The following DRC1 variants were observed in gnomAD, a reference collection of about 807,000 sequenced individuals.
DRC1 encodes dynein regulatory complex subunit 1.
A neutral mutation model predicts 98.7 loss-of-function variants in DRC1; 74 were observed. That is an observed-to-expected ratio of 0.75 (90% CI 0.62 to 0.91). DRC1 has a LOEUF of 0.91. Among genes scored for constraint, DRC1 ranks in the 40% least tolerant of loss-of-function variants. DRC1 has a pLI of 0.00. For missense variants in DRC1, 875 were observed against 886.0 expected (o/e 0.99, Z 0.16); for synonymous variants, 336 against 334.1 (o/e 1.01, Z -0.06).
intron 2 of DRC1, among the ~76,000 whole-genome samples, chr2:26,419,964 C>T (rs115093515): frequency 0.023 from 3,442 of 152,284 alleles, 126 homozygotes; most frequent in African/African-American, 0.077. Flanking sequence ...AAAGACTCCA[C>T]ATATCATTAG....
chr2:26,424,384 T>C lies in DRC1; in HGVS notation c.470T>C (p.Leu157Pro), dbSNP rs542270831. 1.2e-6 allele frequency: 2 copies of C among 1,613,834 alleles called. No homozygotes were observed. The highest frequency in any genetic ancestry group is 4.5e-5 in the East Asian group (2 of 44,838). ...KRIPQELWEMLNTQQLHCAGL... is the reference protein window; with the variant it reads ...KRIPQELWEMPNTQQLHCAGL... ...ATTCCCCAAGAGCTGTGGGAAATGC[T>C]CAATACCCAACAGCTGCACTGTGCT... is the stretch of plus-strand genomic sequence containing the variant. Residue 157 changes from leucine to proline, a missense_variant, in exon 4 of 17, where the codon CTC (leucine) becomes CCC (proline). By Grantham distance (98) the Leu-to-Pro change is moderately conservative. Transcript: ENST00000288710.
Position 26,455,181 on chromosome 2 carries a change from A to G in DRC1, c.2114A>G (p.Glu705Gly). 1 of 1,614,064 alleles carries G rather than the reference A, an allele frequency of 6.2e-7. No homozygotes were observed. The stretch of plus-strand genomic sequence containing the variant: ...CTGCTGCTGGAAAACAGTTCTCTGG[A>G]GCAGCAGAACACAGAGCTGCAGGCG... ...AKLLLENSSL[E>G]QQNTELQALL... The change falls in exon 16 of 17, where the codon GAG becomes GGG. Residue 705 changes from glutamate (E) to glycine (G), a missense_variant. By Grantham distance (98) the Glu-to-Gly change is moderately conservative. Coordinates refer to ENST00000288710, the MANE Select transcript of DRC1 (RefSeq NM_145038.5).
intron 12 of DRC1, 101 bp downstream of exon 12, chr2:26,450,186 C>T (rs915876560): frequency 1.8e-6 from 2 of 1,099,154 alleles, no homozygotes; most frequent in Admixed American, 4.1e-5. Flanking sequence ...ACGAGGGTCT[C>T]CCGGGGCTTC....
chr2:26,442,039 G>A (rs1663731229), intron 8 of DRC1, among the ~76,000 whole-genome samples: 1 of 152,230 alleles, frequency 6.6e-6, no homozygotes, highest in Non-Finnish European at 1.5e-5. Context: ...GGAAGGCCAA[G>A]ATCAAGGCTG....
At chr2:26,430,904 T>C (rs778778213) in intron 6 of DRC1, 32 bp downstream of exon 6, 1 of 1,574,602 alleles carries the variant, frequency 6.4e-7, no homozygotes, top group South Asian at 1.1e-5. Flanking sequence ...GAGTGATCCG[T>C]GGGGTCTGGG....
chr2:26,417,806 T>C (rs1678859890), intron 2 of DRC1, among the ~76,000 whole-genome samples: 1 of 152,248 alleles, frequency 6.6e-6, no homozygotes, highest in Non-Finnish European at 1.5e-5. Context: ...TGGTGGTATA[T>C]AAATGTACAG....
intron 11 of DRC1, 28 bp downstream of exon 11, chr2:26,448,831 G>A (rs369645109): frequency 2.5e-6 from 4 of 1,607,464 alleles, no homozygotes; most frequent in African/African-American, 2.7e-5. Context: ...CTGCAGCAGA[G>A]GGACTCACGG....
intron 10 of DRC1, among the ~76,000 whole-genome samples, chr2:26,445,922 G>T (rs6732552): frequency 0.46 from 70,104 of 151,552 alleles, 16,783 homozygotes; most frequent in Non-Finnish European, 0.51. Flanking sequence ...CCTCCCAAAA[G>T]GCTGGAATTA....
chr2:26,429,032 A>G (rs1663359204), intron 4 of DRC1, among the ~76,000 whole-genome samples: 1 of 152,072 alleles, frequency 6.6e-6, no homozygotes, highest in South Asian at 2.1e-4. Flanking sequence ...GGGAGCTTGC[A>G]GGGAGATTTG....
At chr2:26,432,153 G>A (rs1031539575) in intron 7 of DRC1, 147 bp downstream of exon 7, 6 of 1,296,000 alleles carry the variant, frequency 4.6e-6, no homozygotes, top group South Asian at 1.5e-5. Flanking sequence ...TCTTTTAAAT[G>A]TTCATATCTG....
chr2:26,446,418 G>T (rs756200813), intron 10 of DRC1, among the ~76,000 whole-genome samples: 1 of 152,122 alleles, frequency 6.6e-6, no homozygotes, highest in Non-Finnish European at 1.5e-5. Context: ...CGCTGTGGGC[G>T]CTGGGTGCTT....
intron 1 of DRC1, among the ~76,000 whole-genome samples, chr2:26,404,548 C>T (rs113577982): frequency 6.6e-6 from 1 of 152,150 alleles, no homozygotes; most frequent in African/African-American, 2.4e-5. Flanking sequence ...TCTGCAGGTG[C>T]CAGACCCATG....
intron 13 of DRC1, among the ~76,000 whole-genome samples, chr2:26,451,869 C>T (rs563021124): frequency 2.6e-4 from 39 of 152,258 alleles, no homozygotes; most frequent in Admixed American, 5.2e-4. Context: ...ATATTTTCAA[C>T]TCATATCATA....
intron 8 of DRC1, 102 bp downstream of exon 8, chr2:26,440,619 A>G (rs1035021456): frequency 1.0e-5 from 14 of 1,354,930 alleles, no homozygotes; most frequent in African/African-American, 8.8e-5. Context: ...CATTAAAAAT[A>G]TAACCAACAC....
At chr2:26,423,446 CAG>C (rs1013306625) in intron 3 of DRC1, among the ~76,000 whole-genome samples, 37 of 152,230 alleles carry the variant, frequency 2.4e-4, no homozygotes, top group African/African-American at 8.4e-4. Context: ...TTACAAGGAG[CAG>C]AGAGTCTCTG....
intron 16 of DRC1, 138 bp from the exon 17 acceptor site, chr2:26,456,323 G>A (rs1664170130): frequency 7.7e-6 from 8 of 1,044,130 alleles, no homozygotes; most frequent in South Asian, 1.5e-5. Context: ...GTCTGTGGGT[G>A]TTCAGCATCT....
At chr2:26,402,230 G>A (rs1355783055) in intron 1 of DRC1, 86 bp downstream of exon 1, 9 of 1,458,392 alleles carry the variant, frequency 6.2e-6, no homozygotes, top group Non-Finnish European at 8.1e-6. Flanking sequence ...ACATTTCTTC[G>A]GGAAGGTTCA....
Position 26,401,997 on chromosome 2 carries a change from C to A in DRC1, c.8C>A (p.Pro3Gln). Residue 3 changes from proline (P) to glutamine (Q), a missense_variant, in exon 1 of 17, where the codon CCG becomes CAG. Transcript: ENST00000288710. MN[P>Q]PGSLEALDPN... is the part of the protein sequence containing the mutation. ...GGACCAGGGACTCCTGCCATGAATCCGCCGGGGTCCCTAGAGGCCCTGGAC... is the reference window on the plus strand; with the variant it reads ...GGACCAGGGACTCCTGCCATGAATCAGCCGGGGTCCCTAGAGGCCCTGGAC... The A allele has an allele frequency of 6.2e-7, 1 of 1,604,780 alleles. No homozygotes were observed. The highest frequency in any genetic ancestry group is 1.3e-5 in the African/African-American group (1 of 74,914).
intron 1 of DRC1, among the ~76,000 whole-genome samples, chr2:26,402,386 T>C (rs1009464542): frequency 3.3e-5 from 5 of 152,218 alleles, no homozygotes; most frequent in African/African-American, 1.2e-4. Flanking sequence ...ACCCCATCTC[T>C]ATAAAACATC....
Sources: allele counts gnomAD v4.1 joint callset (sites outside exome capture counted in the v4.1 genomes callset), GRCh38; gene constraint gnomAD v4.1.1; transcripts MANE v1.5; gene names NCBI Gene and HGNC (gene_info 2026-07-23, HGNC 2026-07-21).